ZNF324B: variants seen among roughly 807,000 people sequenced by gnomAD.
ZNF324B encodes the protein zinc finger protein 324B.
In ZNF324B, 7 loss-of-function variants were observed where a neutral mutation model predicts 10.6. The ratio of observed to expected loss-of-function variants is 0.66; its 90% CI spans 0.38 to 1.24. The LOEUF is 1.24. Among genes scored for constraint, ZNF324B ranks in the 50% most tolerant of loss-of-function variants. The pLI is 0.02. For synonymous variants in ZNF324B, 316 were observed against 321.0 expected (o/e 0.98, Z 0.17); for missense variants, 640 against 764.7 (o/e 0.84, Z 1.92).
At chr19:58,444,361 A>G in the ZNF324B span, 1 of 152,224 alleles carries the variant, frequency 6.6e-6, no homozygotes, top group Non-Finnish European at 1.5e-5. Context: ...TTATCTGCAC[A>G]TGGTGGCTCA....
the ZNF324B span, among the ~76,000 whole-genome samples, chr19:58,427,485 CCTTCCTTCCTTT>C: frequency 9.0e-4 from 102 of 113,810 alleles, 2 homozygotes; most frequent in African/African-American, 2.2e-3. Context: ...TTCCTTCCTT[CCTTCCTTCCTTT>C]CTTTCTTTTT....
At chr19:58,420,536 C>T in the ZNF324B span, among the ~76,000 whole-genome samples, 25 of 151,754 alleles carry the variant, frequency 1.6e-4, no homozygotes, top group African/African-American at 5.8e-4. Flanking sequence ...CATAGACCAG[C>T]CTGGGCAACA....
chr19:58,424,041 A>C, the ZNF324B span, among the ~76,000 whole-genome samples: 1 of 144,442 alleles, frequency 6.9e-6, no homozygotes, highest in African/African-American at 2.5e-5. Context: ...GGAGTTCGAG[A>C]CCAGCTTGAC....
chr19:58,431,708 C>T, the ZNF324B span, among the ~76,000 whole-genome samples: 9 of 152,198 alleles, frequency 5.9e-5, no homozygotes, highest in South Asian at 4.1e-4. Context: ...AAAATAGGTG[C>T]CGGCCAGGTG....
the ZNF324B span, chr19:58,437,913 G>C: frequency 1.9e-6 from 1 of 518,150 alleles, no homozygotes; most frequent in Non-Finnish European, 2.5e-6. Context: ...CTTTGCCTTT[G>C]TATGTGTTGT....
At chr19:58,429,808 GTA>G in the ZNF324B span, 8 of 152,380 alleles carry the variant, frequency 5.3e-5, no homozygotes, top group African/African-American at 1.9e-4. Flanking sequence ...GGAAAAGGGA[GTA>G]TAGTCTGCTT....
chr19:58,445,485 A>G, the ZNF324B span: 3 of 518,920 alleles, frequency 5.8e-6, no homozygotes, highest in Non-Finnish European at 3.8e-6. Flanking sequence ...ATTATAGTAA[A>G]TGTAGGAAAG....
chr19:58,423,900 C>G, the ZNF324B span, among the ~76,000 whole-genome samples: 1 of 152,198 alleles, frequency 6.6e-6, no homozygotes, highest in South Asian at 2.1e-4. Flanking sequence ...ACAAAAACAA[C>G]TCTAAATAAA....
At chr19:58,426,591 A>G in the ZNF324B span, among the ~76,000 whole-genome samples, 1 of 152,196 alleles carries the variant, frequency 6.6e-6, no homozygotes, top group Admixed American at 6.5e-5. Flanking sequence ...CAGATTTCAC[A>G]GCCCCCATGT....
the ZNF324B span, chr19:58,434,817 C>T: frequency 1.2e-6 from 2 of 1,614,212 alleles, no homozygotes; most frequent in Non-Finnish European, 1.7e-6. Flanking sequence ...CAGCTTGAAG[C>T]TGGAGGAGGT....
the ZNF324B span, among the ~76,000 whole-genome samples, chr19:58,422,810 A>G: frequency 6.6e-6 from 1 of 152,180 alleles, no homozygotes; most frequent in Admixed American, 6.5e-5. Context: ...CCAAAAAAAA[A>G]ATGATACAAA....
At chr19:58,437,353 C>T in the ZNF324B span, 1 of 1,025,318 alleles carries the variant, frequency 9.8e-7, no homozygotes. Flanking sequence ...CCATCCACAG[C>T]TTATCTTCTT....
At chr19:58,423,021 C>T in the ZNF324B span, among the ~76,000 whole-genome samples, 1 of 152,056 alleles carries the variant, frequency 6.6e-6, no homozygotes, top group Non-Finnish European at 1.5e-5. Context: ...AGGTGCACGC[C>T]ACTATGCTCA....
chr19:58,439,940 C>A, the ZNF324B span: 1 of 1,058,880 alleles, frequency 9.4e-7, no homozygotes. Flanking sequence ...CTCTGGGCAC[C>A]GCAGGGACGA....
upstream of ZNF324B, among the ~76,000 whole-genome samples, chr19:58,451,199 A>G (rs1392015306): frequency 6.6e-6 from 1 of 152,198 alleles, no homozygotes; most frequent in African/African-American, 2.4e-5. Context: ...TGGGAAGGGA[A>G]CCCGGAGCTC....
At chr19:58,420,142 G>C in the ZNF324B span, among the ~76,000 whole-genome samples, 7 of 152,124 alleles carry the variant, frequency 4.6e-5, no homozygotes, top group Admixed American at 1.3e-4. Context: ...AAATTGGCTG[G>C]GTGCAGTGGC....
upstream of ZNF324B, among the ~76,000 whole-genome samples, chr19:58,448,316 T>C (rs796149489): frequency 4.6e-5 from 7 of 152,316 alleles, 2 homozygotes; most frequent in African/African-American, 1.4e-4. Context: ...CAAATGGAGA[T>C]GAAGTTGTTG....
rs1568606242 is a variant in ZNF324B at position 58,456,541 on chromosome 19, G to T, written c.1597G>T (p.Gly533Trp). Reference protein sequence around the residue: ...QGHHRKVRRGGKPSPVLKPAK... With the variant: ...QGHHRKVRRGWKPSPVLKPAK... The stretch of plus-strand genomic sequence containing the variant: ...ACATCATCGGAAGGTGCGCCGGGGA[G>T]GGAAGCCAAGCCCAGTCCTGAAGCC... Residue 533 changes from glycine to tryptophan, a missense_variant, in exon 4 of 4, where the codon GGG becomes TGG. By Grantham distance (184) the Gly-to-Trp change is radical. Coordinates refer to ENST00000336614, the MANE Select transcript of ZNF324B (RefSeq NM_207395.3). The surrounding 1 kb of genome is among the most constrained non-coding windows in gnomAD (Gnocchi z 4.7). The T allele has an allele frequency of 3.1e-6, 5 of 1,614,062 alleles. No homozygotes were observed. Among genetic ancestry groups the T allele is most frequent in the Non-Finnish European group, 4.2e-6 (5 of 1,180,032 alleles).
upstream of ZNF324B, among the ~76,000 whole-genome samples, chr19:58,449,044 A>G (rs1226228701): frequency 6.6e-6 from 1 of 152,178 alleles, no homozygotes; most frequent in Non-Finnish European, 1.5e-5. Context: ...GGAGGAAAAA[A>G]TGGTTTCGTG....
Sources: gnomAD v4.1 joint callset for allele counts (sites outside exome capture counted in the v4.1 genomes callset) on GRCh38, gnomAD v4.1.1 for gene constraint, Gnocchi (gnomAD v3.1) non-coding constraint, MANE v1.5 for transcripts, NCBI Gene and HGNC (gene_info 2026-07-23, HGNC 2026-07-21) for gene names.